NID1: variants seen among roughly 807,000 people sequenced by gnomAD.
NID1 encodes the protein nidogen 1, also known as nidogen-1.
A neutral mutation model predicts 130.6 loss-of-function variants in NID1; 76 were observed. The observed-to-expected ratio is 0.58, with a 90% CI of 0.48 to 0.70. The LOEUF (loss-of-function observed/expected upper bound fraction) is 0.70. NID1 is among the 30% of genes least tolerant of loss of function. The probability of loss-of-function intolerance (pLI) is 0.00; values close to 1 mark genes in which losing one functional copy is unlikely to be tolerated. For synonymous variants in NID1, 665 were observed against 675.1 expected (o/e 0.98, Z 0.23); for missense variants, 1,517 against 1,664.8 (o/e 0.91, Z 1.54).
chr1:236,001,183 GC>G (rs1558427758), intron 12 of NID1, among the ~76,000 whole-genome samples: 1 of 148,814 alleles, frequency 6.7e-6, no homozygotes, highest in East Asian at 2.0e-4. Context: ...TCAGCTTACC[GC>G]AACCTCTGCC....
intron 13 of NID1, among the ~76,000 whole-genome samples, chr1:235,993,012 G>A (rs528122033): frequency 6.6e-6 from 1 of 152,368 alleles, no homozygotes; most frequent in East Asian, 1.9e-4. Flanking sequence ...TGTCTGTCCA[G>A]AGTCACACAG....
chr1:236,046,908 A>T (rs1356085510), intron 2 of NID1, among the ~76,000 whole-genome samples: 5 of 152,018 alleles, frequency 3.3e-5, no homozygotes, highest in African/African-American at 1.2e-4. Flanking sequence ...GGAGCGGGGG[A>T]AGGGAAGAGG....
chr1:236,037,529 AC>A (rs1042021632), intron 5 of NID1, among the ~76,000 whole-genome samples: 1 of 152,090 alleles, frequency 6.6e-6, no homozygotes, highest in African/African-American at 2.4e-5. Context: ...TTGGTGGCGC[AC>A]ATCTGTAATT....
At chr1:236,022,595 C>A (rs1658798430) in intron 9 of NID1, among the ~76,000 whole-genome samples, 1 of 151,050 alleles carries the variant, frequency 6.6e-6, no homozygotes, top group Admixed American at 6.6e-5. Flanking sequence ...ACCTCGGCCT[C>A]CCAAAGTGCT....
At chr1:236,056,864 G>T (rs994408238) in intron 1 of NID1, among the ~76,000 whole-genome samples, 1 of 151,664 alleles carries the variant, frequency 6.6e-6, no homozygotes. Context: ...AGAGCCTGAG[G>T]CACCCCATAC....
intron 4 of NID1, among the ~76,000 whole-genome samples, chr1:236,041,277 A>G (rs1007892529): frequency 6.6e-6 from 1 of 151,738 alleles, no homozygotes; most frequent in African/African-American, 2.4e-5. Context: ...CATGTTGGCC[A>G]GGATGGTCTC....
At chr1:236,005,812 T>C (rs1364365292) in intron 12 of NID1, among the ~76,000 whole-genome samples, 2 of 152,266 alleles carry the variant, frequency 1.3e-5, no homozygotes, top group Admixed American at 6.5e-5. Flanking sequence ...TAGCTAATTA[T>C]CCAGCCTGCA....
At chr1:236,033,726 G>A (rs937250314) in intron 5 of NID1, among the ~76,000 whole-genome samples, 7 of 152,220 alleles carry the variant, frequency 4.6e-5, no homozygotes, top group Admixed American at 1.3e-4. Flanking sequence ...CATGATAAAT[G>A]TTGGCATATA....
intron 9 of NID1, among the ~76,000 whole-genome samples, chr1:236,018,385 A>G (rs1309527302): frequency 6.6e-6 from 1 of 152,186 alleles, no homozygotes; most frequent in Non-Finnish European, 1.5e-5. Flanking sequence ...TGTTCCAGAC[A>G]CCCAGCTATG....
rs1044521856 is a variant in NID1 at position 235,993,688 on chromosome 1, G to A, written c.2712C>T (p.Arg904=). ...GCCTGGTCCTGGTGCCCTCCACCTC[G>A]CGGCCGTCGCGATCCACGCACCAGC... ...GYCWCVDRDG[R]EVEGTRTRPG... The change falls in exon 13 of 20, where the codon CGC becomes CGT. Residue 904 remains arginine, a synonymous_variant. Coordinates refer to ENST00000264187, the MANE Select transcript of NID1 (RefSeq NM_002508.3). 1.3e-6 allele frequency: 2 copies of A among 1,589,498 alleles called. No homozygotes were observed. Among genetic ancestry groups the A allele is most frequent in the Non-Finnish European group, 1.7e-6 (2 of 1,164,410 alleles).
chr1:236,053,634 G>T (rs552743385), intron 1 of NID1, among the ~76,000 whole-genome samples: 1 of 152,078 alleles, frequency 6.6e-6, no homozygotes, highest in South Asian at 2.1e-4. Context: ...CTGCCTATTT[G>T]TAGGTTCTGG....
At chr1:236,012,532 T>TG (rs1032586463) in intron 11 of NID1, among the ~76,000 whole-genome samples, 7 of 119,848 alleles carry the variant, frequency 5.8e-5, no homozygotes, top group African/African-American at 2.5e-4. Flanking sequence ...CACTCCAGCT[T>TG]GGGCAACAAG....
chr1:235,981,760 G>A lies in NID1; in HGVS notation c.3078C>T (p.Ile1026=), dbSNP rs768953348. The A allele has an allele frequency of 3.7e-6, 6 of 1,613,082 alleles. No individual in the cohort carries two copies. The South Asian group carries it at 5.5e-5, about 15-fold the overall frequency. ...TGTTGCGGCCAAGGTGATCAACAGC[G>A]ATACCTTCTGGACTTCCAAGATCTA... The part of the protein sequence containing the change: ...IRQDLGSPEG[I]AVDHLGRNIF... Residue 1026 remains isoleucine, a synonymous_variant, in exon 16 of 20, where the codon ATC becomes ATT. Coordinates refer to ENST00000264187, the MANE Select transcript of NID1 (RefSeq NM_002508.3).
chr1:236,051,880 T>C (rs1282171747), intron 1 of NID1, among the ~76,000 whole-genome samples: 1 of 152,272 alleles, frequency 6.6e-6, no homozygotes, highest in Non-Finnish European at 1.5e-5. Context: ...TTATTTGGAA[T>C]CTAGGCATGG....
intron 6 of NID1, among the ~76,000 whole-genome samples, chr1:236,031,401 AG>A (rs1659097765): frequency 6.6e-6 from 1 of 152,226 alleles, no homozygotes; most frequent in Admixed American, 6.5e-5. Context: ...TACTGGCGTG[AG>A]CCACCATGCC....
chr1:236,046,910 G>A (rs1002439573), intron 2 of NID1, among the ~76,000 whole-genome samples: 15 of 152,204 alleles, frequency 9.9e-5, no homozygotes, highest in Non-Finnish European at 7.3e-5. Flanking sequence ...AGCGGGGGAA[G>A]GGAAGAGGTA....
intron 7 of NID1, among the ~76,000 whole-genome samples, chr1:236,028,097 A>G (rs756715713): frequency 4.6e-5 from 7 of 152,208 alleles, no homozygotes; most frequent in Non-Finnish European, 7.3e-5. Flanking sequence ...AATCATTTCA[A>G]CTCATAATAA....
Position 235,981,644 on chromosome 1 carries a change from T to A in NID1, c.3194A>T (p.Asn1065Ile). The change falls in exon 16 of 20, where the codon AAT (asparagine) becomes ATT (isoleucine). Residue 1065 changes from asparagine to isoleucine, a missense_variant. Physicochemically the swap from Asn to Ile is moderately radical, Grantham distance 149 (BLOSUM62 -3). This residue lies in a region of NID1 where 1,329 missense variants were observed against 1,429.2 expected (regional missense o/e 0.93). Coordinates refer to ENST00000264187, the MANE Select transcript of NID1 (RefSeq NM_002508.3). Reference protein sequence around the residue: ...RRVLFETDLVNPRGIVTDSVR... With the variant: ...RRVLFETDLVIPRGIVTDSVR... Reference sequence around the variant, plus strand: ...GGAATCCGTTACAATGCCTCTGGGATTCACCAAGTCAGTCTCAAAGAGCAC... The same window carrying A: ...GGAATCCGTTACAATGCCTCTGGGAATCACCAAGTCAGTCTCAAAGAGCAC... 1 of 1,613,826 alleles carries A rather than the reference T, an allele frequency of 6.2e-7. No individual in the cohort carries two copies. The highest frequency in any genetic ancestry group is 8.5e-7 in the Non-Finnish European group (1 of 1,179,922).
intron 12 of NID1, among the ~76,000 whole-genome samples, chr1:236,009,088 G>T (rs1572593004): frequency 6.6e-6 from 1 of 152,338 alleles, no homozygotes; most frequent in Middle Eastern, 3.4e-3. Flanking sequence ...CAATGTGAAT[G>T]TTTATGTCCC....
Sources: allele counts gnomAD v4.1 joint callset (sites outside exome capture counted in the v4.1 genomes callset), GRCh38; gene constraint gnomAD v4.1.1; regional missense constraint gnomAD v4.1.1; transcripts MANE v1.5; gene names NCBI Gene and HGNC (gene_info 2026-07-23, HGNC 2026-07-21).